Variants in PLXNA4 observed in about 807,000 individuals in gnomAD.
The protein encoded by PLXNA4 is plexin-A4.
A neutral mutation model predicts 191.8 loss-of-function variants in PLXNA4; 44 were observed. The ratio of observed to expected loss-of-function variants is 0.23; its 90% CI spans 0.18 to 0.29. The LOEUF (loss-of-function observed/expected upper bound fraction) is 0.29, where lower values mean the gene tolerates loss of function less well. Among genes scored for constraint, PLXNA4 ranks in the 10% least tolerant of loss-of-function variants. The probability of loss-of-function intolerance (pLI) is 1.00; values close to 1 mark genes in which losing one functional copy is unlikely to be tolerated. For synonymous variants in PLXNA4, 1,082 were observed against 1,009.5 expected, an observed-to-expected ratio of 1.07 and a Z score of -1.36; for missense variants, 1,800 against 2,488.8, an observed-to-expected ratio of 0.72 and a Z score of 5.89.
At chr7:132,167,940 C>A (rs546946791) in intron 22 of PLXNA4, among the ~76,000 whole-genome samples, 101 of 152,290 alleles carry the variant, frequency 6.6e-4, no homozygotes, top group Non-Finnish European at 1.3e-3. Context: ...CTCTCCTAGT[C>A]CAACTTTGGA....
At chr7:132,500,317 C>A (rs1798193643) in intron 2 of PLXNA4, among the ~76,000 whole-genome samples, 1 of 152,142 alleles carries the variant, frequency 6.6e-6, no homozygotes, top group African/African-American at 2.4e-5. Flanking sequence ...GTGGCGCATG[C>A]CTGTAATCCC....
intron 4 of PLXNA4, among the ~76,000 whole-genome samples, chr7:132,249,502 G>A (rs1011430170): frequency 6.6e-6 from 1 of 152,160 alleles, no homozygotes. Context: ...GCAGAGCGTC[G>A]AGAAATCACC....
intron 3 of PLXNA4, among the ~76,000 whole-genome samples, chr7:132,422,893 C>T (rs750663622): frequency 8.5e-5 from 13 of 152,220 alleles, no homozygotes; most frequent in Non-Finnish European, 1.8e-4. Context: ...TGGCCTAGCA[C>T]CTCGGGAAAC....
chr7:132,404,602 A>T (rs1254082528), intron 3 of PLXNA4, among the ~76,000 whole-genome samples: 1 of 152,218 alleles, frequency 6.6e-6, no homozygotes, highest in African/African-American at 2.4e-5. Context: ...CAGGGTAGTG[A>T]TTAAGAATGG....
At chr7:132,318,403 T>G (rs924354018) in intron 3 of PLXNA4, among the ~76,000 whole-genome samples, 2 of 152,168 alleles carry the variant, frequency 1.3e-5, no homozygotes, top group Non-Finnish European at 2.9e-5. Context: ...CTCACTTGCT[T>G]TGGACACTTG....
intron 2 of PLXNA4, among the ~76,000 whole-genome samples, chr7:132,629,382 A>G (rs1381248711): frequency 2.6e-5 from 4 of 152,236 alleles, no homozygotes; most frequent in Admixed American, 1.3e-4. Context: ...AGACTTGTAA[A>G]GGGCATCTGG....
intron 1 of PLXNA4, among the ~76,000 whole-genome samples, chr7:132,557,549 T>TAAA (rs113064440): frequency 0.037 from 5,522 of 148,212 alleles, 303 homozygotes; most frequent in African/African-American, 0.13. Flanking sequence ...ATCTTTTTTT[T>TAAA]AAAAAAAAAA....
intron 3 of PLXNA4, among the ~76,000 whole-genome samples, chr7:132,398,768 T>C (rs1013286274): frequency 6.6e-6 from 1 of 152,190 alleles, no homozygotes; most frequent in Non-Finnish European, 1.5e-5. Flanking sequence ...GCCGACCTAA[T>C]GAGCACAGTG....
chr7:132,169,997 C>T (rs1796236799), intron 21 of PLXNA4, among the ~76,000 whole-genome samples: 2 of 151,818 alleles, frequency 1.3e-5, no homozygotes, highest in South Asian at 4.2e-4. Context: ...TTCGGAGTCA[C>T]GTCTTGAGGG....
intron 13 of PLXNA4, among the ~76,000 whole-genome samples, chr7:132,196,966 T>C (rs960270916): frequency 3.3e-5 from 5 of 152,216 alleles, no homozygotes; most frequent in Non-Finnish European, 7.3e-5. Flanking sequence ...AAAGTATTTA[T>C]TAACTGTAAT....
chr7:132,180,415 C>T (rs909993409), intron 19 of PLXNA4, among the ~76,000 whole-genome samples, 171 bp downstream of exon 19: 1 of 152,166 alleles, frequency 6.6e-6, no homozygotes, highest in Non-Finnish European at 1.5e-5. Flanking sequence ...AATGACAATA[C>T]AGAAGAGAGA....
intron 3 of PLXNA4, among the ~76,000 whole-genome samples, chr7:132,305,438 C>G (rs1018742812): frequency 1.3e-5 from 2 of 151,244 alleles, no homozygotes; most frequent in Non-Finnish European, 2.9e-5. Flanking sequence ...ATCTGCATCC[C>G]CAGCCACTCA....
intron 3 of PLXNA4, among the ~76,000 whole-genome samples, chr7:132,373,021 A>G (rs1467796143): frequency 6.6e-6 from 1 of 152,224 alleles, no homozygotes; most frequent in Non-Finnish European, 1.5e-5. Flanking sequence ...ACTATGTGCC[A>G]GGCACTTTTC....
At chr7:132,561,748 T>TCCTCCTCCTCCTCCTCCTCCTTCTC (rs1801112074) in intron 1 of PLXNA4, among the ~76,000 whole-genome samples, 1 of 47,594 alleles carries the variant, frequency 2.1e-5, no homozygotes, top group Non-Finnish European at 4.0e-5. Flanking sequence ...TCCTCCTTCT[T>TCCTCCTCCTCCTCCTCCTCCTTCTC]CTCCTCCTCC....
chr7:132,401,909 A>C (rs1794002175), intron 3 of PLXNA4, among the ~76,000 whole-genome samples: 1 of 152,188 alleles, frequency 6.6e-6, no homozygotes, highest in African/African-American at 2.4e-5. Context: ...TCAGATAAGC[A>C]AAAGAGGGGG....
At chr7:132,332,712 A>C (rs1282074273) in intron 3 of PLXNA4, among the ~76,000 whole-genome samples, 1 of 151,790 alleles carries the variant, frequency 6.6e-6, no homozygotes, top group Admixed American at 6.6e-5. Flanking sequence ...AACTAAACTT[A>C]GCTGGGTGTG....
rs1214312589 is a variant in PLXNA4, at chr7:132,507,720, G to A, written c.974C>T (p.Thr325Ile). ...LSKAGAVLGR[T>I]LGVHPDDDLL... ...GTCATCATCTGGATGGACTCCAAGG[G>A]TCCTGCCAAGCACGGCCCCCGCTTT... The change falls in exon 2 of 32, where the codon ACC (threonine) becomes ATC (isoleucine). Residue 325 changes from threonine (T) to isoleucine (I), a missense_variant. By Grantham distance (89) the Thr-to-Ile change is moderately conservative. Transcript: ENST00000321063. The A allele has an allele frequency of 2.5e-6, 4 of 1,614,066 alleles. No individual in the cohort carries two copies. The Admixed American group carries it at 5.0e-5, about 20-fold the overall frequency.
chr7:132,251,279 T>C (rs1040214579), intron 4 of PLXNA4, among the ~76,000 whole-genome samples: 2 of 152,144 alleles, frequency 1.3e-5, no homozygotes, highest in Non-Finnish European at 2.9e-5. Flanking sequence ...AAAGTATCGG[T>C]TGGCTTATCT....
chr7:132,333,633 T>C (rs1802686174), intron 3 of PLXNA4, among the ~76,000 whole-genome samples: 1 of 152,124 alleles, frequency 6.6e-6, no homozygotes, highest in African/African-American at 2.4e-5. Flanking sequence ...TGTCTGGGTT[T>C]GGAGGGGTGC....
Sources: allele counts gnomAD v4.1 joint callset (sites outside exome capture counted in the v4.1 genomes callset), GRCh38; gene constraint gnomAD v4.1.1; transcripts MANE v1.5; gene names NCBI Gene and HGNC (gene_info 2026-07-23, HGNC 2026-07-21).